Variants in MMD2 observed in about 807,000 individuals in gnomAD.
The protein encoded by MMD2 is monocyte to macrophage differentiation factor 2.
Under a neutral mutation model 33.5 loss-of-function variants are expected in MMD2, and 30 were observed. The observed-to-expected ratio is 0.90, with a 90% CI of 0.67 to 1.22. The LOEUF is 1.22. MMD2 is among the 50% of genes most tolerant of loss of function. The pLI is 0.00. For missense variants in MMD2, 364 were observed against 325.4 expected, an observed-to-expected ratio of 1.12 and a Z score of -0.91; for synonymous variants, 129 against 123.0, an observed-to-expected ratio of 1.05 and a Z score of -0.32.
chr7:4,901,829 A>G (rs887162287), downstream of MMD2, among the ~76,000 whole-genome samples: 1 of 152,258 alleles, frequency 6.6e-6, no homozygotes, highest in Non-Finnish European at 1.5e-5. Flanking sequence ...TGCGACGACC[A>G]ATTACATACA....
At chr7:4,955,256 T>G (rs1450321309) in intron 1 of MMD2, among the ~76,000 whole-genome samples, 4 of 152,222 alleles carry the variant, frequency 2.6e-5, no homozygotes, top group Admixed American at 2.6e-4. Flanking sequence ...GTCTTAATTC[T>G]TACAGCTTTA....
chr7:4,935,493 C>G (rs1056665260), intron 1 of MMD2, among the ~76,000 whole-genome samples: 10 of 151,718 alleles, frequency 6.6e-5, no homozygotes, highest in African/African-American at 2.4e-4. Context: ...TGGGCAGAGA[C>G]AGTGAGACCT....
rs138642915 is a variant in MMD2 at position 4,913,341 on chromosome 7, T to G, written c.366-2095A>C. Among the ~76,000 whole-genome samples the G allele has an allele frequency of 3.6e-3, 546 of 152,330 alleles. 3 individuals are homozygous for G. Among genetic ancestry groups the G allele is most frequent in the African/African-American group, 0.012 (497 of 41,582 alleles). ...GAAGAAAATGGACACTTACAAATTT[T>G]GCTGAACTTCAAACAAATGTTTCTT... On this transcript the variant is annotated intron_variant, in intron 4 of 6. Transcript: ENST00000401401.
chr7:4,927,702 T>G (rs1785469370), intron 1 of MMD2, among the ~76,000 whole-genome samples: 1 of 152,124 alleles, frequency 6.6e-6, no homozygotes. Context: ...GAGAGACTCA[T>G]TCTCAAAAAA....
In MMD2 at chr7:4,946,133, A is replaced by ACACG. The variant is rs1236542012; in HGVS notation, c.47+12834_47+12837dup. Among the ~76,000 whole-genome samples, 1 of 151,286 alleles carries ACACG rather than the reference A, an allele frequency of 6.6e-6. No individual in the cohort carries two copies. Among genetic ancestry groups the ACACG allele is most frequent in the East Asian group, 2.0e-4 (1 of 5,122 alleles). Reference sequence around the variant, plus strand: ...CGCGCACACGCACGCACACACCTGCACACGCACGCACACCCACACCCGCGC... The same window carrying ACACG: ...CGCGCACACGCACGCACACACCTGCACACGCACGCACGCACACCCACACCCGCGC... On this transcript the variant is annotated intron_variant, in intron 1 of 6. Coordinates refer to ENST00000401401, the MANE Select transcript of MMD2 (RefSeq NM_198403.4). This position sits in a 1 kb window ranked among gnomAD's most constrained non-coding sequence, Gnocchi z 5.0.
chr7:4,913,946 C>A (rs910844096), intron 4 of MMD2, among the ~76,000 whole-genome samples: 2 of 151,988 alleles, frequency 1.3e-5, no homozygotes, highest in Non-Finnish European at 2.9e-5. Context: ...CAGGCGTTAG[C>A]CACTGCGCCT....
At chr7:4,911,543 A>T (rs1785008135) in intron 4 of MMD2, among the ~76,000 whole-genome samples, 1 of 152,214 alleles carries the variant, frequency 6.6e-6, no homozygotes, top group Admixed American at 6.5e-5. Context: ...TTTGGGGGCG[A>T]TTGTGCATTC....
chr7:4,925,226 C>T (rs183482476), intron 2 of MMD2, among the ~76,000 whole-genome samples: 3 of 152,086 alleles, frequency 2.0e-5, no homozygotes, highest in Non-Finnish European at 1.5e-5. Context: ...CCACCATGCT[C>T]GGCCCCATCG....
the MMD2 span, among the ~76,000 whole-genome samples, chr7:4,895,969 C>T: frequency 3.9e-5 from 6 of 152,246 alleles, no homozygotes; most frequent in East Asian, 5.8e-4. Context: ...GACTCCTGCC[C>T]ACGTTTTCCC....
chr7:4,898,141 C>T, the MMD2 span, among the ~76,000 whole-genome samples: 2 of 152,156 alleles, frequency 1.3e-5, no homozygotes, highest in African/African-American at 4.8e-5. Context: ...TCAAGGTCCC[C>T]CACGAACATG....
the MMD2 span, among the ~76,000 whole-genome samples, chr7:4,895,082 C>CTT: frequency 0.39 from 56,396 of 146,076 alleles, 11,241 homozygotes; most frequent in South Asian, 0.45. Flanking sequence ...CAGCTGAAGT[C>CTT]TTTTTTTTTT....
At chr7:4,945,201 T>TTCTTCTTCTTCTTCTTCTTCTTCG (rs1554273354) in intron 1 of MMD2, among the ~76,000 whole-genome samples, 10 of 138,682 alleles carry the variant, frequency 7.2e-5, no homozygotes, top group African/African-American at 2.7e-4. Context: ...CTTCTTCTTC[T>TTCTTCTTCTTCTTCTTCTTCTTCG]TCTTCTTCTT....
chr7:4,901,404 G>A (rs1483410552), downstream of MMD2, among the ~76,000 whole-genome samples: 3 of 152,198 alleles, frequency 2.0e-5, no homozygotes, highest in Non-Finnish European at 4.4e-5. Flanking sequence ...TCACGCCACT[G>A]TACTCCAGCC....
At chr7:4,909,636 A>G (rs1427896632) in intron 6 of MMD2, 3 of 683,594 alleles carry the variant, frequency 4.4e-6, no homozygotes, top group Admixed American at 2.1e-5. Flanking sequence ...GGGTCTTGCT[A>G]TGTTGCCCAG....
downstream of MMD2, among the ~76,000 whole-genome samples, chr7:4,901,903 C>T (rs1784799736): frequency 6.6e-6 from 1 of 152,254 alleles, no homozygotes; most frequent in Non-Finnish European, 1.5e-5. Flanking sequence ...TGAGTATTTA[C>T]ACCATGGAAA....
chr7:4,925,323 TCC>T (rs200504747), intron 2 of MMD2, 126 bp downstream of exon 2: 106,054 of 640,766 alleles, frequency 0.17, 9,723 homozygotes, highest in East Asian at 0.29. Flanking sequence ...ACAGTGGCCT[TCC>T]CTGAGGGCCA....
At position 4,920,206 on chromosome 7, in the gene MMD2, C is replaced by T. The variant is rs1785241535; in HGVS notation, c.255G>A (p.Val85=). 3 of 1,572,896 alleles carry T rather than the reference C, an allele frequency of 1.9e-6. No individual in the cohort carries two copies. The highest frequency in any genetic ancestry group is 2.6e-6 in the Non-Finnish European group (3 of 1,159,752). The change falls in exon 3 of 7, where the codon GTG becomes GTA. Residue 85 remains valine (V), a synonymous_variant. Transcript: ENST00000401401. ...GLCGLFVVST[V]FHTISWKKSH... is the part of the protein sequence containing the mutation. ...TCTTCTTCCAGGAGATGGTGTGAAA[C>T]ACAGTGGACACCACGAAGAGGCCGC...
At chr7:4,927,109 A>G (rs765524825) in intron 1 of MMD2, among the ~76,000 whole-genome samples, 6 of 152,116 alleles carry the variant, frequency 3.9e-5, no homozygotes, top group Non-Finnish European at 5.9e-5. Context: ...TGAATTCTCC[A>G]ACCCACTGCA....
intron 1 of MMD2, among the ~76,000 whole-genome samples, chr7:4,934,717 C>G (rs989564811): frequency 6.6e-6 from 1 of 152,206 alleles, no homozygotes; most frequent in Non-Finnish European, 1.5e-5. Flanking sequence ...ATGTTGAATT[C>G]TCACCCTGAA....
Sources: allele counts gnomAD v4.1 joint callset (sites outside exome capture counted in the v4.1 genomes callset), GRCh38; gene constraint gnomAD v4.1.1; non-coding constraint Gnocchi (gnomAD v3.1); transcripts MANE v1.5; gene names NCBI Gene and HGNC (gene_info 2026-07-23, HGNC 2026-07-21).